The following TRIM14 variants were observed in gnomAD, a reference collection of about 807,000 sequenced individuals.
TRIM14 encodes the protein tripartite motif containing 14.
TRIM14 carries 28 observed loss-of-function variants against 44.5 expected under a neutral mutation model. That is an observed-to-expected ratio of 0.63 (90% CI 0.47 to 0.86). TRIM14 has a LOEUF of 0.86. TRIM14 is among the 40% of genes least tolerant of loss of function. The pLI, the probability that TRIM14 is intolerant of heterozygous loss-of-function variation, is 0.00. For synonymous variants in TRIM14, 299 were observed against 269.2 expected (o/e 1.11, Z -1.08); for missense variants, 607 against 611.1 (o/e 0.99, Z 0.07).
chr9:98,111,632 T>A (rs937437610), intron 1 of TRIM14, among the ~76,000 whole-genome samples: 2 of 152,120 alleles, frequency 1.3e-5, no homozygotes, highest in African/African-American at 2.4e-5. Context: ...TAAATGAACA[T>A]TTCATAGTTT....
intron 1 of TRIM14, among the ~76,000 whole-genome samples, chr9:98,116,806 T>A (rs1564192983): frequency 1.3e-5 from 2 of 149,572 alleles, no homozygotes; most frequent in African/African-American, 2.5e-5. Context: ...ATCATGCCAT[T>A]GCACTCTAGT....
chr9:98,096,863 G>T (rs1015667664), intron 3 of TRIM14, among the ~76,000 whole-genome samples: 2 of 152,068 alleles, frequency 1.3e-5, no homozygotes, highest in African/African-American at 4.8e-5. Context: ...CTTTTCTAAA[G>T]CACTAATCTG....
the TRIM14 span, chr9:98,061,015 C>G: frequency 6.2e-7 from 1 of 1,611,420 alleles, no homozygotes; most frequent in African/African-American, 1.3e-5. Context: ...CTCTGCTGCT[C>G]TGTCATTTGT....
rs1825799299 is a variant in TRIM14, at chr9:98,087,067, C to T, written c.*403G>A. On this transcript the variant is annotated 3_prime_UTR_variant, in exon 6 of 6. Transcript: ENST00000341469. The stretch of plus-strand genomic sequence containing the variant: ...AGAAGAGTCAGGACTGGATGACTCC[C>T]ATTCATTCACAAACGTTTACTGTGT... 1 of 379,798 alleles carries T rather than the reference C, an allele frequency of 2.6e-6. No individual in the cohort carries two copies. Among genetic ancestry groups the T allele is most frequent in the African/African-American group, 2.1e-5 (1 of 47,828 alleles). 23.5% of individuals were successfully genotyped at this position (379,798 alleles called of 1,614,324 possible).
At position 98,095,784 on chromosome 9, in the gene TRIM14, T is replaced by G. The variant is rs1826166247; in HGVS notation, c.538-755A>C. Among the ~76,000 whole-genome samples the G allele has an allele frequency of 6.6e-6, 1 of 152,036 alleles. No individual in the cohort carries two copies. The highest frequency in any genetic ancestry group is 1.5e-5 in the Non-Finnish European group (1 of 67,984). On this transcript the variant is annotated intron_variant, in intron 3 of 5. Transcript: ENST00000341469. This position sits in a 1 kb window ranked among gnomAD's most constrained non-coding sequence, Gnocchi z 4.1. Reference sequence around the variant, plus strand: ...ATGTGGCACTGAGGGACAGCAGTGGTGGGGGCTCTGGTCAGTGGTGTGAGT... The same window carrying G: ...ATGTGGCACTGAGGGACAGCAGTGGGGGGGGCTCTGGTCAGTGGTGTGAGT...
At chr9:98,098,938 A>G (rs1273903181) in intron 3 of TRIM14, among the ~76,000 whole-genome samples, 5 of 151,926 alleles carry the variant, frequency 3.3e-5, no homozygotes, top group Admixed American at 2.6e-4. Context: ...CGCCTGGCTG[A>G]TATTTGTATT....
At chr9:98,047,295 C>G in the TRIM14 span, among the ~76,000 whole-genome samples, 1 of 152,156 alleles carries the variant, frequency 6.6e-6, no homozygotes, top group Non-Finnish European at 1.5e-5. Context: ...TCCCCCACCA[C>G]GTGGAACTGT....
rs565391640 is a variant in TRIM14 at position 98,085,923 on chromosome 9, C to T, written c.*1547G>A. 6.6e-6 allele frequency: 1 copy of T among 152,346 alleles called. No homozygotes were observed. The highest frequency in any genetic ancestry group is 2.4e-5 in the African/African-American group (1 of 41,564). 9.4% of individuals were successfully genotyped at this position (152,346 alleles called of 1,614,324 possible). A position where few individuals can be genotyped will look rare whatever the true frequency, so the allele number is the denominator to read the frequency against. On this transcript the variant is annotated 3_prime_UTR_variant, in exon 6 of 6. Transcript: ENST00000341469. ...AAGATGCTTTAACAGAATATAACTT[C>T]AAAACCGTCTAGGGAATTGACAAAA...
At chr9:98,071,988 C>T (rs1405566096) in intron 6 of TRIM14, among the ~76,000 whole-genome samples, 1 of 152,186 alleles carries the variant, frequency 6.6e-6, no homozygotes, top group African/African-American at 2.4e-5. Context: ...AGGGAGGAGT[C>T]TGGTGTTTGC....
chr9:98,117,907 C>G (rs1360371656), intron 1 of TRIM14, among the ~76,000 whole-genome samples: 1 of 152,050 alleles, frequency 6.6e-6, no homozygotes, highest in Admixed American at 6.6e-5. Context: ...TTTCAAGGAG[C>G]CATTATTATA....
chr9:98,060,528 G>A, the TRIM14 span, among the ~76,000 whole-genome samples: 1 of 152,160 alleles, frequency 6.6e-6, no homozygotes, highest in Admixed American at 6.5e-5. Flanking sequence ...AAATTAGCCG[G>A]GTGTCGTGGT....
downstream of TRIM14, among the ~76,000 whole-genome samples, chr9:98,079,751 C>T (rs546520064): frequency 2.0e-5 from 3 of 152,232 alleles, no homozygotes; most frequent in Non-Finnish European, 4.4e-5. Context: ...CATGTCCTCT[C>T]TCTTGACACT....
At chr9:98,037,679 A>G in the TRIM14 span, among the ~76,000 whole-genome samples, 1 of 152,286 alleles carries the variant, frequency 6.6e-6, no homozygotes, top group South Asian at 2.1e-4. Context: ...CCTAAAGGCT[A>G]GAAGAAGTTT....
intron 2 of TRIM14, among the ~76,000 whole-genome samples, chr9:98,102,054 G>A (rs1055999058): frequency 6.6e-5 from 10 of 151,156 alleles, no homozygotes; most frequent in African/African-American, 1.5e-4. Flanking sequence ...AAAAATGGGC[G>A]TCACTAGCAG....
At chr9:98,108,877 T>TC (rs1402411625) in intron 2 of TRIM14, among the ~76,000 whole-genome samples, 1 of 130,752 alleles carries the variant, frequency 7.6e-6, no homozygotes, top group East Asian at 2.2e-4. Context: ...AGTCAGGGGT[T>TC]CCTTTTTTTT....
the TRIM14 span, among the ~76,000 whole-genome samples, chr9:98,041,158 T>C: frequency 6.6e-6 from 1 of 152,182 alleles, no homozygotes; most frequent in East Asian, 1.9e-4. Context: ...TAATGAGCTC[T>C]AGGATGAGGA....
chr9:98,100,653 A>T (rs191262299), intron 2 of TRIM14, among the ~76,000 whole-genome samples: 1 of 152,300 alleles, frequency 6.6e-6, no homozygotes, highest in Admixed American at 6.5e-5. Flanking sequence ...CAAAACAATA[A>T]ATCTACAGGA....
chr9:98,042,255 T>C, the TRIM14 span, among the ~76,000 whole-genome samples: 1 of 141,552 alleles, frequency 7.1e-6, no homozygotes, highest in East Asian at 2.1e-4. Context: ...ATGGTGTCAC[T>C]GCACTCCAGC....
chr9:98,036,383 C>G, the TRIM14 span, among the ~76,000 whole-genome samples: 1 of 151,634 alleles, frequency 6.6e-6, no homozygotes, highest in African/African-American at 2.4e-5. Flanking sequence ...TGCCTATACT[C>G]CCAACTACTT....
Sources: gnomAD v4.1 joint callset for allele counts (sites outside exome capture counted in the v4.1 genomes callset) on GRCh38, gnomAD v4.1.1 for gene constraint, Gnocchi (gnomAD v3.1) non-coding constraint, MANE v1.5 for transcripts, NCBI Gene and HGNC (gene_info 2026-07-23, HGNC 2026-07-21) for gene names.